DOCK2: variants seen among roughly 807,000 people sequenced by gnomAD.
DOCK2 encodes the protein dedicator of cytokinesis 2.
In DOCK2, 87 loss-of-function variants were observed where a neutral mutation model predicts 248.9. The ratio of observed to expected loss-of-function variants is 0.35; its 90% CI spans 0.29 to 0.42. The LOEUF (loss-of-function observed/expected upper bound fraction) is 0.42. DOCK2 is among the 10% of genes least tolerant of loss of function. The pLI, the probability that DOCK2 is intolerant of heterozygous loss-of-function variation, is 1.00. For synonymous variants in DOCK2, 805 were observed against 821.6 expected (o/e 0.98, Z 0.35); for missense variants, 1,747 against 2,300.2 (o/e 0.76, Z 4.92).
chr5:169,999,572 G>A (rs753454717), intron 30 of DOCK2, among the ~76,000 whole-genome samples: 16 of 152,268 alleles, frequency 1.1e-4, no homozygotes, highest in Non-Finnish European at 1.9e-4. Context: ...ACACCCACAA[G>A]ATTCTGTAAA....
chr5:169,722,969 C>T (rs1762287881), intron 22 of DOCK2, among the ~76,000 whole-genome samples: 1 of 152,230 alleles, frequency 6.6e-6, no homozygotes, highest in African/African-American at 2.4e-5. Context: ...TGGTCTACTG[C>T]TAGCCCTCAC....
rs377742469 is a variant in DOCK2 at position 169,858,704 on chromosome 5, T to C, written c.2799+17852T>C. ...TTTGGCTGCTATGTGGAGAAGATAT[T>C]TGAGAAGTGAGAGAGGGGCTGGGTA... On this transcript the variant is annotated intron_variant, in intron 27 of 51. Transcript: ENST00000520908. Among the ~76,000 whole-genome samples, 83 of 152,196 alleles carry C rather than the reference T, an allele frequency of 5.5e-4. No individual in the cohort carries two copies. The South Asian group carries it at 6.6e-3, about 12-fold the overall frequency.
chr5:169,873,840 G>A (rs1561784437), intron 27 of DOCK2, among the ~76,000 whole-genome samples: 2 of 152,158 alleles, frequency 1.3e-5, no homozygotes, highest in Non-Finnish European at 2.9e-5. Context: ...GTGACCTCAA[G>A]CGGCTCACAC....
At chr5:169,963,344 G>C (rs1229470680) in intron 27 of DOCK2, among the ~76,000 whole-genome samples, 1 of 152,046 alleles carries the variant, frequency 6.6e-6, no homozygotes, top group Non-Finnish European at 1.5e-5. Flanking sequence ...GCATTGACAG[G>C]AACTCAATCT....
At chr5:169,930,350 C>G (rs1775687780) in intron 27 of DOCK2, among the ~76,000 whole-genome samples, 1 of 152,208 alleles carries the variant, frequency 6.6e-6, no homozygotes, top group African/African-American at 2.4e-5. Flanking sequence ...AGAAGACACT[C>G]TGGCTTTAGT....
intron 26 of DOCK2, among the ~76,000 whole-genome samples, chr5:169,839,716 G>T (rs568775956): frequency 6.6e-6 from 1 of 152,282 alleles, no homozygotes; most frequent in Middle Eastern, 3.4e-3. Context: ...CACCCAAGGT[G>T]GGTAATGTGG....
At chr5:169,885,829 A>G (rs1342950869) in intron 27 of DOCK2, among the ~76,000 whole-genome samples, 1 of 152,190 alleles carries the variant, frequency 6.6e-6, no homozygotes, top group Non-Finnish European at 1.5e-5. Flanking sequence ...GCCTAAACAT[A>G]TCCTACTGCT....
intron 22 of DOCK2, among the ~76,000 whole-genome samples, chr5:169,735,319 G>A (rs1409085732): frequency 1.3e-5 from 2 of 152,152 alleles, no homozygotes; most frequent in African/African-American, 4.8e-5. Context: ...GGAATTGGTG[G>A]CTTTCATTCA....
In DOCK2 at chr5:169,840,159, T is replaced by G. The variant is rs10068006; in HGVS notation, c.2704-598T>G. The stretch of plus-strand genomic sequence containing the variant: ...CTTCTGGGGAGGCCTCGGGACACTT[T>G]TACTCACGGTAGAAGGCAAGGCACG... On this transcript the variant is annotated intron_variant, in intron 26 of 51. Transcript: ENST00000520908. Among the ~76,000 whole-genome samples the G allele has an allele frequency of 1.3e-3, 191 of 152,288 alleles. 2 individuals are homozygous for G. The highest frequency in any genetic ancestry group is 4.5e-3 in the African/African-American group (186 of 41,558).
At chr5:170,023,160 GC>G (rs973219845) in intron 33 of DOCK2, among the ~76,000 whole-genome samples, 19 of 152,226 alleles carry the variant, frequency 1.2e-4, no homozygotes, top group African/African-American at 4.3e-4. Context: ...GTACCAGTCA[GC>G]ATGGGGATCT....
chr5:169,994,964 A>G (rs1409632831), intron 29 of DOCK2, among the ~76,000 whole-genome samples: 1 of 152,198 alleles, frequency 6.6e-6, no homozygotes, highest in Non-Finnish European at 1.5e-5. Context: ...CTTAAGGAGA[A>G]ATGCAAATTG....
At chr5:169,644,374 G>A (rs571944093) in intron 1 of DOCK2, among the ~76,000 whole-genome samples, 2 of 152,148 alleles carry the variant, frequency 1.3e-5, no homozygotes, top group Non-Finnish European at 2.9e-5. Flanking sequence ...AGGGAGCAGT[G>A]GAGACAGTGA....
intron 32 of DOCK2, among the ~76,000 whole-genome samples, chr5:170,012,738 C>T (rs1477317): frequency 0.55 from 83,774 of 152,094 alleles, 24,782 homozygotes; most frequent in East Asian, 0.76. Context: ...CATCGTAACA[C>T]TTGATTTCTG....
intron 25 of DOCK2, among the ~76,000 whole-genome samples, chr5:169,780,325 GTGTGTGTGT>G (rs1765636056): frequency 6.6e-6 from 1 of 150,938 alleles, no homozygotes; most frequent in Non-Finnish European, 1.5e-5. Flanking sequence ...GTGTGTGTGT[GTGTGTGTGT>G]GTGTGTTGAA....
intron 33 of DOCK2, 50 bp from the exon 34 acceptor site, chr5:170,027,813 G>GC: frequency 6.5e-7 from 1 of 1,537,936 alleles, no homozygotes; most frequent in Non-Finnish European, 8.9e-7. Flanking sequence ...ACTAATTTCA[G>GC]CCCTCAGCCT....
Position 169,947,858 on chromosome 5 carries a change from G to A in DOCK2, c.2800-35210G>A, listed in dbSNP as rs149653916. On this transcript the variant is annotated intron_variant, in intron 27 of 51. Coordinates refer to ENST00000520908, the MANE Select transcript of DOCK2 (RefSeq NM_004946.3). ...CAGCATAAATACCTACAGCATACATGGTGCCTGCTGGGTGAGCATGAGCAT... is the reference window on the plus strand; with the variant it reads ...CAGCATAAATACCTACAGCATACATAGTGCCTGCTGGGTGAGCATGAGCAT... Among the ~76,000 whole-genome samples, 7 of 152,232 alleles carry A rather than the reference G, an allele frequency of 4.6e-5. No homozygotes were observed. In the East Asian group the frequency reaches 1.4e-3, roughly 29 times the overall value.
intron 23 of DOCK2, among the ~76,000 whole-genome samples, chr5:169,751,608 T>A (rs1763897399): frequency 6.6e-6 from 1 of 152,222 alleles, no homozygotes; most frequent in African/African-American, 2.4e-5. Context: ...CTCAGCTGTG[T>A]CCACTGTTAA....
At chr5:169,811,395 T>C (rs1196886478) in intron 26 of DOCK2, among the ~76,000 whole-genome samples, 1 of 152,338 alleles carries the variant, frequency 6.6e-6, no homozygotes, top group East Asian at 1.9e-4. Flanking sequence ...TCTTCTAACC[T>C]ATCTGCTCCC....
chr5:169,886,680 G>T (rs940249950), intron 27 of DOCK2, among the ~76,000 whole-genome samples: 5 of 152,208 alleles, frequency 3.3e-5, no homozygotes, highest in Admixed American at 2.6e-4. Context: ...GTTGAAATTT[G>T]TGAGATGGTC....
Sources: allele counts gnomAD v4.1 joint callset (sites outside exome capture counted in the v4.1 genomes callset), GRCh38; gene constraint gnomAD v4.1.1; transcripts MANE v1.5; gene names NCBI Gene and HGNC (gene_info 2026-07-23, HGNC 2026-07-21).